Variants in OOSP2 observed in about 807,000 individuals in gnomAD.
The protein encoded by OOSP2 is oocyte secreted protein 2.
A neutral mutation model predicts 13.4 loss-of-function variants in OOSP2; 7 were observed. The observed-to-expected ratio is 0.52, with a 90% CI of 0.30 to 0.98. The LOEUF (loss-of-function observed/expected upper bound fraction) is 0.98. OOSP2 is among the 50% of genes least tolerant of loss of function. OOSP2 has a pLI of 0.07. For missense variants in OOSP2, 184 were observed against 188.5 expected, an observed-to-expected ratio of 0.98 and a Z score of 0.14; for synonymous variants, 75 against 67.2, an observed-to-expected ratio of 1.12 and a Z score of -0.57.
At chr11:60,046,880 T>C (rs1855014378) in intron 3 of OOSP2, 64 bp from the exon 4 acceptor site, 1 of 1,309,614 alleles carries the variant, frequency 7.6e-7, no homozygotes, top group Non-Finnish European at 1.1e-6. Context: ...TATTAAACAG[T>C]GGTAAAACTG....
At chr11:60,043,324 T>C (rs780208710) in intron 1 of OOSP2, 145 bp from the exon 2 acceptor site, 1 of 489,518 alleles carries the variant, frequency 2.0e-6, no homozygotes, top group Non-Finnish European at 3.7e-6. Flanking sequence ...TTAATAATGT[T>C]TGTAAGAAAA....
intron 1 of OOSP2, among the ~76,000 whole-genome samples, chr11:60,042,123 C>G: frequency 6.6e-6 from 1 of 151,870 alleles, no homozygotes; most frequent in East Asian, 1.9e-4. Flanking sequence ...CGTCTCAAAA[C>G]AAACAAACAA....
intron 1 of OOSP2, among the ~76,000 whole-genome samples, chr11:60,042,139 C>A (rs192510557): frequency 0.014 from 2,166 of 152,038 alleles, 53 homozygotes; most frequent in African/African-American, 0.049. Context: ...AACAAAAAAA[C>A]CCCCCCAAAA....
chr11:60,043,276 A>G (rs1854961414), intron 1 of OOSP2, among the ~76,000 whole-genome samples, 193 bp from the exon 2 acceptor site: 1 of 152,168 alleles, frequency 6.6e-6, no homozygotes, highest in African/African-American at 2.4e-5. Context: ...ATCTAGTTAC[A>G]TGGGGGCATA....
intron 3 of OOSP2, among the ~76,000 whole-genome samples, chr11:60,046,215 C>CTCTG (rs937947656): frequency 7.0e-6 from 1 of 142,112 alleles, no homozygotes; most frequent in Non-Finnish European, 1.5e-5. Flanking sequence ...CTCTCTGTCT[C>CTCTG]TCTCTCTTTC....
In OOSP2 at chr11:60,047,436, T is replaced by TAG. The variant is rs146949348; in HGVS notation, c.*371_*372dup. 6.4e-6 allele frequency: 1 copy of TAG among 156,668 alleles called. No homozygotes were observed. Among genetic ancestry groups the TAG allele is most frequent in the East Asian group, 1.9e-4 (1 of 5,350 alleles). The allele number at this position is 156,668 out of a possible 1,614,324, so 9.7% of individuals were successfully genotyped here. ...AATATTTTTCAGGAAGAATAAAGAA[T>TAG]AGAGAGAGACATATAAATGTGCAAG... On this transcript the variant is annotated 3_prime_UTR_variant, in exon 4 of 4. Transcript: ENST00000278855.
chr11:60,043,442 A>G, intron 1 of OOSP2, 27 bp from the exon 2 acceptor site: 1 of 1,536,482 alleles, frequency 6.5e-7, no homozygotes, highest in African/African-American at 1.4e-5. Flanking sequence ...CACCCTTCTG[A>G]TGCTTTTCAT....
At chr11:60,041,452 T>A (rs999709181) in intron 1 of OOSP2, among the ~76,000 whole-genome samples, 11 of 152,172 alleles carry the variant, frequency 7.2e-5, no homozygotes, top group African/African-American at 2.7e-4. Context: ...AGGCCCTAAC[T>A]GTCTTTCAGG....
At chr11:60,042,066 C>T (rs1006793434) in intron 1 of OOSP2, among the ~76,000 whole-genome samples, 3 of 152,140 alleles carry the variant, frequency 2.0e-5, no homozygotes, top group South Asian at 4.1e-4. Context: ...TTGCAGTGAG[C>T]GGAGACAGCG....
At position 60,047,350 on chromosome 11, in the gene OOSP2, AAT is replaced by A. The variant is rs1855021213; in HGVS notation, c.*280_*281del. On this transcript the variant is annotated 3_prime_UTR_variant, in exon 4 of 4. Transcript: ENST00000278855. ...TTCTGTTCTGTGTAGAAGATTCAGA[AAT>A]ATGTCTTCAAAGACAATGACTTGAT... is the stretch of plus-strand genomic sequence containing the variant. 1 of 210,698 alleles carries A rather than the reference AAT, an allele frequency of 4.7e-6. No homozygotes were observed. Among genetic ancestry groups the A allele is most frequent in the African/African-American group, 2.3e-5 (1 of 43,636 alleles). The allele number at this position is 210,698 out of a possible 1,614,324, so 13.1% of individuals were successfully genotyped here. A position where few individuals can be genotyped will look rare whatever the true frequency, so the allele number is the denominator to read the frequency against.
intron 3 of OOSP2, 58 bp from the exon 4 acceptor site, chr11:60,046,886 A>G (rs1855014405): frequency 6.8e-7 from 1 of 1,464,988 alleles, no homozygotes; most frequent in East Asian, 2.3e-5. Context: ...ACAGTGGTAA[A>G]ACTGACTTGA....
At chr11:60,043,009 G>A (rs546056741) in intron 1 of OOSP2, among the ~76,000 whole-genome samples, 21 of 151,748 alleles carry the variant, frequency 1.4e-4, no homozygotes, top group Admixed American at 9.8e-4. Flanking sequence ...GGTTCTCGCC[G>A]TTCTCCTGCC....
At chr11:60,042,306 G>A (rs1341986496) in intron 1 of OOSP2, among the ~76,000 whole-genome samples, 2 of 152,094 alleles carry the variant, frequency 1.3e-5, no homozygotes, top group Admixed American at 6.6e-5. Flanking sequence ...TCTTTCCTAG[G>A]TGATGTGAGA....
chr11:60,040,552 C>A (rs760632612), intron 1 of OOSP2, 29 bp downstream of exon 1: 6 of 1,257,470 alleles, frequency 4.8e-6, no homozygotes, highest in South Asian at 2.4e-5. Context: ...AGAATGCTTC[C>A]TCGAAGGAGT....
intron 1 of OOSP2, among the ~76,000 whole-genome samples, chr11:60,041,850 CAAAA>C (rs571172974): frequency 1.4e-4 from 5 of 36,414 alleles, no homozygotes; most frequent in South Asian, 1.7e-3. Context: ...GACTCTGTCT[CAAAA>C]AAAAAAAAAA....
chr11:60,044,329 C>T (rs557440466), intron 2 of OOSP2, among the ~76,000 whole-genome samples: 3 of 152,282 alleles, frequency 2.0e-5, no homozygotes, highest in South Asian at 4.1e-4. Flanking sequence ...GAATACTCTC[C>T]GAAGCTTGTG....
At chr11:60,040,832 C>G (rs1330843835) in intron 1 of OOSP2, among the ~76,000 whole-genome samples, 1 of 152,162 alleles carries the variant, frequency 6.6e-6, no homozygotes, top group Non-Finnish European at 1.5e-5. Context: ...ATTTCAAACC[C>G]CTGCCAATTA....
At chr11:60,045,177 A>C (rs1854992979) in intron 3 of OOSP2, among the ~76,000 whole-genome samples, 1 of 152,122 alleles carries the variant, frequency 6.6e-6, no homozygotes, top group Non-Finnish European at 1.5e-5. Context: ...TCATCTTATA[A>C]GAGTAAGTGG....
At chr11:60,041,978 G>A in intron 1 of OOSP2, among the ~76,000 whole-genome samples, 1 of 151,894 alleles carries the variant, frequency 6.6e-6, no homozygotes, top group African/African-American at 2.4e-5. Flanking sequence ...CAGGCGTGAT[G>A]GCGGGTGCCT....
Sources: gnomAD v4.1 joint callset for allele counts (sites outside exome capture counted in the v4.1 genomes callset) on GRCh38, gnomAD v4.1.1 for gene constraint, MANE v1.5 for transcripts, NCBI Gene and HGNC (gene_info 2026-07-23, HGNC 2026-07-21) for gene names.